Variants in CACNA1C observed in about 807,000 individuals in gnomAD.
The protein encoded by CACNA1C is calcium voltage-gated channel subunit alpha1 C.
A neutral mutation model predicts 229.0 loss-of-function variants in CACNA1C; 30 were observed. The observed-to-expected ratio is 0.13, with a 90% CI of 0.10 to 0.18. The LOEUF (loss-of-function observed/expected upper bound fraction) is 0.18. Ranked by LOEUF, CACNA1C falls within the 10% of genes least tolerant of loss-of-function variation. CACNA1C has a pLI of 1.00. For missense variants in CACNA1C, 1,658 were observed against 2,845.0 expected, an observed-to-expected ratio of 0.58 and a Z score of 9.49; for synonymous variants, 1,114 against 1,132.5, an observed-to-expected ratio of 0.98 and a Z score of 0.33.
intron 1 of CACNA1C, among the ~76,000 whole-genome samples, chr12:1,994,750 T>C (rs984051134): frequency 6.6e-6 from 1 of 152,204 alleles, no homozygotes; most frequent in Non-Finnish European, 1.5e-5. Flanking sequence ...TATTTCATTA[T>C]CACAACAGGA....
In CACNA1C at chr12:2,444,043, T is replaced by G. The variant is rs148924607; in HGVS notation, c.478-4933T>G. ...CAATAGGCAGCTGTCTTTCTCTGGA[T>G]TCCTGTTCAGACCCGCTCTTACTGG... On this transcript the variant is annotated intron_variant, in intron 3 of 46. Transcript: ENST00000399655. 2.9e-3 allele frequency among the ~76,000 whole-genome samples: 435 copies of G among 152,336 alleles called. 1 individual carries two copies. The highest frequency in any genetic ancestry group is 5.7e-3 in the Admixed American group (87 of 15,304).
At chr12:2,002,141 C>T (rs2042318258) in intron 1 of CACNA1C, among the ~76,000 whole-genome samples, 1 of 152,192 alleles carries the variant, frequency 6.6e-6, no homozygotes. Context: ...AATTTCTCCT[C>T]CTTTGAAAGG....
intron 5 of CACNA1C, among the ~76,000 whole-genome samples, chr12:2,464,596 A>G (rs1455000930): frequency 6.6e-6 from 1 of 152,206 alleles, no homozygotes; most frequent in East Asian, 1.9e-4. Flanking sequence ...ATTTTGATTT[A>G]GTCCTAATGG....
chr12:2,193,624 C>T (rs1180507059), intron 3 of CACNA1C, among the ~76,000 whole-genome samples: 1 of 152,198 alleles, frequency 6.6e-6, no homozygotes, highest in Non-Finnish European at 1.5e-5. Context: ...TGGAACCCTT[C>T]TCTCCCCTGC....
chr12:2,376,301 A>G (rs901429764), intron 3 of CACNA1C, among the ~76,000 whole-genome samples: 1 of 152,154 alleles, frequency 6.6e-6, no homozygotes, highest in African/African-American at 2.4e-5. Context: ...CTAAACTCTG[A>G]GCCTCTGTAT....
At chr12:2,358,549 G>A (rs981960468) in intron 3 of CACNA1C, among the ~76,000 whole-genome samples, 4 of 152,000 alleles carry the variant, frequency 2.6e-5, no homozygotes, top group African/African-American at 7.3e-5. Context: ...AGGAATTTAC[G>A]ACTAATAAAT....
At chr12:2,057,085 G>A (rs548637031) in intron 1 of CACNA1C, among the ~76,000 whole-genome samples, 1 of 152,338 alleles carries the variant, frequency 6.6e-6, no homozygotes, top group East Asian at 1.9e-4. Flanking sequence ...CTTTGTAAAT[G>A]AAATGATGAG....
At position 2,429,542 on chromosome 12, in the gene CACNA1C, C is replaced by G. The variant is rs1312205901; in HGVS notation, c.478-19434C>G. Reference sequence around the variant, plus strand: ...GGTAAACCTTGCTTTCCTTGTCTTTCCCATGGGGATGATAATACCCTTTCC... The same window carrying G: ...GGTAAACCTTGCTTTCCTTGTCTTTGCCATGGGGATGATAATACCCTTTCC... On this transcript the variant is annotated intron_variant, in intron 3 of 46. Transcript: ENST00000399655. Among the ~76,000 whole-genome samples the G allele has an allele frequency of 4.6e-5, 7 of 152,282 alleles. 1 individual carries two copies. Among genetic ancestry groups the G allele is most frequent in the Admixed American group, 3.3e-4 (5 of 15,302 alleles).
chr12:2,574,831 G>A (rs10744566), intron 13 of CACNA1C, among the ~76,000 whole-genome samples: 127,542 of 152,256 alleles, frequency 0.84, 53,642 homozygotes, highest in East Asian at 0.99. Context: ...GCAGGGGTCT[G>A]TGGCAAAGGT....
intron 3 of CACNA1C, among the ~76,000 whole-genome samples, chr12:2,408,652 C>T (rs977737556): frequency 1.3e-5 from 2 of 152,118 alleles, no homozygotes; most frequent in East Asian, 1.9e-4. Flanking sequence ...ATATAACGTA[C>T]AGGGATTTTG....
intron 1 of CACNA1C, among the ~76,000 whole-genome samples, chr12:2,072,175 A>G (rs1391308372): frequency 6.7e-6 from 1 of 150,346 alleles, no homozygotes; most frequent in Admixed American, 6.6e-5. Flanking sequence ...AAGATTATAT[A>G]TATACAAATA....
intron 7 of CACNA1C, among the ~76,000 whole-genome samples, chr12:2,499,391 A>G (rs2099753895): frequency 6.6e-6 from 1 of 152,132 alleles, no homozygotes; most frequent in African/African-American, 2.4e-5. Flanking sequence ...TGCCTGTGCC[A>G]AGAACCTTAC....
rs148851785 is a variant in CACNA1C, at chr12:2,411,701, TAAG to T, written c.478-37267_478-37265del. On this transcript the variant is annotated intron_variant, in intron 3 of 46. Transcript: ENST00000399655. ...CCAGGGCTTGCTGAAGGGAATCCAA[TAAG>T]AAGAAGATTTCAGATCCTCAGGTGT... is the stretch of plus-strand genomic sequence containing the variant. Among the ~76,000 whole-genome samples, 1,132 of 152,292 alleles carry T rather than the reference TAAG, an allele frequency of 7.4e-3. 10 individuals are homozygous for T. Among genetic ancestry groups the T allele is most frequent in the African/African-American group, 0.026 (1,090 of 41,562 alleles).
chr12:2,649,863 A>T lies in CACNA1C; in HGVS notation c.3945+1356A>T, dbSNP rs553083088. On this transcript the variant is annotated intron_variant, in intron 31 of 46. Coordinates refer to ENST00000399655, the MANE Select transcript of CACNA1C (RefSeq NM_000719.7). The surrounding 1 kb of genome is among the most constrained non-coding windows in gnomAD (Gnocchi z 4.4). The stretch of plus-strand genomic sequence containing the variant: ...TTATAAAATCCTAAGCCTCCTCTGC[A>T]TACTCCTCTGGGGAAACACAACCTC... Among the ~76,000 whole-genome samples the T allele has an allele frequency of 3.9e-5, 6 of 151,960 alleles. No individual in the cohort carries two copies. The highest frequency in any genetic ancestry group is 5.9e-5 in the Non-Finnish European group (4 of 68,030).
At chr12:2,383,372 T>C (rs2098299725) in intron 3 of CACNA1C, among the ~76,000 whole-genome samples, 1 of 152,106 alleles carries the variant, frequency 6.6e-6, no homozygotes, top group Non-Finnish European at 1.5e-5. Context: ...TCGTAACCAC[T>C]CCTGGGTGGT....
chr12:2,063,367 G>A lies in CACNA1C; in HGVS notation c.49+9756G>A, dbSNP rs1160876061. ...GGATTTCACCATGTTGGCCAGGATG[G>A]TCTCCATCTCCTGACCTCTTGATCC... On this transcript the variant is annotated intron_variant, in intron 1 of 46. Transcript: ENST00000399655. Among the ~76,000 whole-genome samples the A allele has an allele frequency of 3.3e-5, 5 of 152,228 alleles. No individual in the cohort carries two copies. In the East Asian group the frequency reaches 9.7e-4, roughly 29 times the overall value.
intron 3 of CACNA1C, among the ~76,000 whole-genome samples, chr12:2,329,922 T>A (rs2096486973): frequency 6.6e-6 from 1 of 152,226 alleles, no homozygotes; most frequent in Non-Finnish European, 1.5e-5. Flanking sequence ...AGAGGTCTGT[T>A]GCTGGAACAG....
intron 7 of CACNA1C, among the ~76,000 whole-genome samples, chr12:2,501,126 A>G (rs1424557079): frequency 1.4e-5 from 2 of 144,958 alleles, no homozygotes; most frequent in African/African-American, 5.2e-5. Flanking sequence ...GGAGAATGGC[A>G]TGAACCCAGG....
chr12:2,376,478 G>GA (rs2098072541), intron 3 of CACNA1C, among the ~76,000 whole-genome samples: 1 of 152,144 alleles, frequency 6.6e-6, no homozygotes, highest in East Asian at 1.9e-4. Context: ...CACTCATTAG[G>GA]TTCTCAGCAA....
Sources: allele counts gnomAD v4.1 joint callset (sites outside exome capture counted in the v4.1 genomes callset), GRCh38; gene constraint gnomAD v4.1.1; non-coding constraint Gnocchi (gnomAD v3.1); transcripts MANE v1.5; gene names NCBI Gene and HGNC (gene_info 2026-07-23, HGNC 2026-07-21).